Variants in FREM1 observed in about 807,000 individuals in gnomAD.
FREM1 encodes the protein FRAS1-related extracellular matrix protein 1.
In FREM1, 220 loss-of-function variants were observed where a neutral mutation model predicts 210.1. The observed-to-expected ratio is 1.05, with a 90% confidence interval of 0.94 to 1.17. The LOEUF (loss-of-function observed/expected upper bound fraction) is 1.17, where lower values mean the gene tolerates loss of function less well. Among genes scored for constraint, FREM1 ranks in the 50% most tolerant of loss-of-function variants. FREM1 has a pLI of 0.00. For synonymous variants in FREM1, 1,189 were observed against 980.2 expected (o/e 1.21, Z -3.98); for missense variants, 3,454 against 2,675.5 (o/e 1.29, Z -6.42).
chr9:14,764,086 C>A (rs1845983337), intron 27 of FREM1, among the ~76,000 whole-genome samples: 1 of 152,096 alleles, frequency 6.6e-6, no homozygotes, highest in Non-Finnish European at 1.5e-5. Context: ...GGGTGGTTTC[C>A]ACCATACTGT....
At chr9:14,746,566 T>G (rs1485628968) in intron 34 of FREM1, 98 bp from the exon 35 acceptor site, 1 of 905,892 alleles carries the variant, frequency 1.1e-6, no homozygotes, top group South Asian at 1.4e-5. Context: ...TTCAGTCAAG[T>G]AGTTTGGTTA....
At chr9:14,801,627 T>C (rs1202683707) in intron 20 of FREM1, 25 bp downstream of exon 20, 1 of 1,459,652 alleles carries the variant, frequency 6.9e-7, no homozygotes, top group Admixed American at 1.7e-5. Flanking sequence ...CAATAACAAA[T>C]GCATGGAAGT....
chr9:14,788,707 G>A (rs541351897), intron 23 of FREM1, among the ~76,000 whole-genome samples: 3 of 150,814 alleles, frequency 2.0e-5, no homozygotes, highest in African/African-American at 7.5e-5. Flanking sequence ...TTAAAATAAC[G>A]AATGGATTGG....
In FREM1 at chr9:14,857,720, C is replaced by A. The variant is rs190132962; in HGVS notation, c.661G>T (p.Gly221Trp). 8 of 1,609,558 alleles carry A rather than the reference C, an allele frequency of 5.0e-6. No homozygotes were observed. In the East Asian group the frequency reaches 1.8e-4, roughly 36 times the overall value. ...QLRAKLKCPG[G>W]SCTPGLKKIG... Reference sequence around the variant, plus strand: ...TTCTTTAATCCTGGGGTACAGCTCCCACCTGGACACTTCAGTTTTGCTCTC... The same window carrying A: ...TTCTTTAATCCTGGGGTACAGCTCCAACCTGGACACTTCAGTTTTGCTCTC... The change falls in exon 5 of 37, where the codon GGG becomes TGG. Residue 221 changes from glycine (G) to tryptophan (W), a missense_variant. Gly to Trp is a radical substitution (Grantham distance 184). Coordinates refer to ENST00000380880, the MANE Select transcript of FREM1 (RefSeq NM_001379081.2).
chr9:14,821,849 C>A (rs1821383966), intron 13 of FREM1, among the ~76,000 whole-genome samples: 1 of 152,162 alleles, frequency 6.6e-6, no homozygotes, highest in South Asian at 2.1e-4. Context: ...AGGAATCAGC[C>A]TTGATGGAAA....
At chr9:14,880,637 A>G (rs893236245) in intron 1 of FREM1, among the ~76,000 whole-genome samples, 1 of 151,794 alleles carries the variant, frequency 6.6e-6, no homozygotes, top group African/African-American at 2.4e-5. Context: ...AAAATTACAT[A>G]TGAGATTCAT....
At chr9:14,908,244 T>A (rs1818126924) in intron 1 of FREM1, among the ~76,000 whole-genome samples, 1 of 152,194 alleles carries the variant, frequency 6.6e-6, no homozygotes, top group East Asian at 1.9e-4. Flanking sequence ...CTCATCCCTG[T>A]GGGATGGTCC....
At chr9:14,762,738 T>C (rs1255905249) in intron 27 of FREM1, among the ~76,000 whole-genome samples, 1 of 147,624 alleles carries the variant, frequency 6.8e-6, no homozygotes, top group Non-Finnish European at 1.5e-5. Flanking sequence ...ATATGTACAA[T>C]ATATGTTTTG....
In FREM1 at chr9:14,868,745, T is replaced by C. The variant is rs564073700; in HGVS notation, c.233A>G (p.Gln78Arg). The change falls in exon 2 of 37, where the codon CAG (glutamine) becomes CGG (arginine). Residue 78 changes from glutamine to arginine, a missense_variant and splice_region_variant. Physicochemically the swap from Gln to Arg is conservative, Grantham distance 43. Coordinates refer to ENST00000380880, the MANE Select transcript of FREM1 (RefSeq NM_001379081.2). Reference sequence around the variant, plus strand: ...CAGAAAATCGCAGATAGGACCTACCTGTGGAGTGAGTTTCCCAACCCTCTG... The same window carrying C: ...CAGAAAATCGCAGATAGGACCTACCCGTGGAGTGAGTTTCCCAACCCTCTG... Reference protein sequence around the residue: ...ITQRVGKLTPQVFDCHFLPNE... With the variant: ...ITQRVGKLTPRVFDCHFLPNE... 1.9e-6 allele frequency: 3 copies of C among 1,599,884 alleles called. No homozygotes were observed. Among genetic ancestry groups the C allele is most frequent in the African/African-American group, 2.7e-5 (2 of 74,844 alleles).
At chr9:14,837,599 A>C (rs928652548) in intron 10 of FREM1, among the ~76,000 whole-genome samples, 3 of 152,232 alleles carry the variant, frequency 2.0e-5, no homozygotes, top group African/African-American at 7.2e-5. Flanking sequence ...TTGAAGGCAC[A>C]ATAACTATTG....
intron 29 of FREM1, among the ~76,000 whole-genome samples, chr9:14,751,369 C>T (rs926207311): frequency 3.9e-5 from 6 of 152,120 alleles, no homozygotes; most frequent in African/African-American, 7.2e-5. Flanking sequence ...TAACTCTTGG[C>T]CGGGTGCAGT....
intron 27 of FREM1, among the ~76,000 whole-genome samples, chr9:14,767,381 A>G (rs1460823137): frequency 1.3e-5 from 2 of 152,188 alleles, no homozygotes; most frequent in African/African-American, 4.8e-5. Context: ...AGATTAGCAC[A>G]GTCCTTAAAA....
intron 13 of FREM1, 27 bp downstream of exon 13, chr9:14,823,133 A>T: frequency 6.5e-7 from 1 of 1,546,050 alleles, no homozygotes; most frequent in Non-Finnish European, 8.8e-7. Flanking sequence ...CCTCCTTTTC[A>T]TCCTCTATAT....
At chr9:14,813,142 A>C in intron 15 of FREM1, 78 bp from the exon 16 acceptor site, 2 of 1,419,054 alleles carry the variant, frequency 1.4e-6, no homozygotes, top group Non-Finnish European at 1.9e-6. Flanking sequence ...CATTGCTCAT[A>C]GTCAGAATGA....
At chr9:14,839,740 A>T (rs1032233768) in intron 10 of FREM1, among the ~76,000 whole-genome samples, 1 of 152,220 alleles carries the variant, frequency 6.6e-6, no homozygotes, top group Admixed American at 6.5e-5. Flanking sequence ...GAAAGAAGAA[A>T]AAAGAAGTCC....
chr9:14,752,877 CA>C (rs1217633178), intron 29 of FREM1, among the ~76,000 whole-genome samples: 2 of 151,670 alleles, frequency 1.3e-5, no homozygotes, highest in Non-Finnish European at 2.9e-5. Context: ...AAACAAAAAA[CA>C]AAAAACTTAA....
chr9:14,847,395 G>C (rs979475439), intron 7 of FREM1, among the ~76,000 whole-genome samples: 29 of 38,252 alleles, frequency 7.6e-4, no homozygotes, highest in African/African-American at 2.4e-3. Flanking sequence ...GAGGGAGAGA[G>C]AAAAAGAAGG....
At chr9:14,748,663 C>T (rs79062407) in intron 30 of FREM1, 24 bp from the exon 31 acceptor site, 68 of 1,492,712 alleles carry the variant, frequency 4.6e-5, no homozygotes, top group East Asian at 6.8e-5. Context: ...AGATGGCAGG[C>T]GGTCAGTTCA....
At chr9:14,785,520 G>C (rs1408509562) in intron 23 of FREM1, among the ~76,000 whole-genome samples, 5 of 152,116 alleles carry the variant, frequency 3.3e-5, no homozygotes, top group African/African-American at 9.7e-5. Flanking sequence ...CAATAGCCAA[G>C]AGATGCAAAC....
Sources: gnomAD v4.1 joint callset for allele counts (sites outside exome capture counted in the v4.1 genomes callset) on GRCh38, gnomAD v4.1.1 for gene constraint, MANE v1.5 for transcripts, NCBI Gene and HGNC (gene_info 2026-07-23, HGNC 2026-07-21) for gene names.